The following UBE3D variants were observed in gnomAD, a reference collection of about 807,000 sequenced individuals.
The protein encoded by UBE3D is E3 ubiquitin-protein ligase E3D.
UBE3D carries 48 observed loss-of-function variants against 49.6 expected under a neutral mutation model. The ratio of observed to expected loss-of-function variants is 0.97; its 90% CI spans 0.77 to 1.23. The LOEUF (loss-of-function observed/expected upper bound fraction) is 1.23. Ranked by LOEUF, UBE3D falls within the 50% of genes most tolerant of loss-of-function variation. UBE3D has a pLI of 0.00. For missense variants in UBE3D, 452 were observed against 468.4 expected, an observed-to-expected ratio of 0.96 and a Z score of 0.32; for synonymous variants, 189 against 174.2, an observed-to-expected ratio of 1.08 and a Z score of -0.67.
intron 5 of UBE3D, among the ~76,000 whole-genome samples, chr6:83,025,877 C>A (rs1474289531): frequency 8.5e-6 from 1 of 117,566 alleles, no homozygotes; most frequent in Non-Finnish European, 1.7e-5. Context: ...AACGTGACTC[C>A]ATCTTAAAAA....
At chr6:82,991,775 C>G (rs182401772) in intron 8 of UBE3D, among the ~76,000 whole-genome samples, 140 of 152,282 alleles carry the variant, frequency 9.2e-4, no homozygotes, top group Admixed American at 7.8e-3. Context: ...AAAGAACCAT[C>G]TTCTGACCAT....
intron 9 of UBE3D, among the ~76,000 whole-genome samples, chr6:82,945,800 T>C (rs906271953): frequency 6.6e-6 from 1 of 152,148 alleles, no homozygotes; most frequent in African/African-American, 2.4e-5. Flanking sequence ...TGTTATCAGA[T>C]AAATTTAACA....
chr6:83,057,931 G>A lies in UBE3D; in HGVS notation c.169C>T (p.Leu57Phe). ...KTPEGCTEIQ[L>F]PAEVRLVPSS... ...GGTACAAGCCTGACCTCTGCTGGAA[G>A]CTGGATTTCTGTGCAGCCTTCAGGG... Residue 57 changes from leucine (L) to phenylalanine (F), a missense_variant, in exon 2 of 10, where the codon CTT becomes TTT. Coordinates refer to ENST00000369747, the MANE Select transcript of UBE3D (RefSeq NM_198920.3). 7 of 1,614,208 alleles carry A rather than the reference G, an allele frequency of 4.3e-6. No homozygotes were observed. Among genetic ancestry groups the A allele is most frequent in the Non-Finnish European group, 5.1e-6 (6 of 1,180,038 alleles).
At chr6:82,962,413 G>A (rs1237487262) in intron 8 of UBE3D, among the ~76,000 whole-genome samples, 1 of 152,124 alleles carries the variant, frequency 6.6e-6, no homozygotes, top group Non-Finnish European at 1.5e-5. Flanking sequence ...AAGCACTCTG[G>A]AGCCTAATTT....
intron 8 of UBE3D, among the ~76,000 whole-genome samples, chr6:82,993,634 T>G (rs1338557949): frequency 1.3e-5 from 2 of 152,094 alleles, no homozygotes. Context: ...TTTGTGGGGA[T>G]TTTCTCCCCC....
chr6:83,022,458 T>A lies in UBE3D; in HGVS notation c.841A>T (p.Ile281Phe), dbSNP rs747011892. The change falls in exon 7 of 10, where the codon ATC becomes TTC. Residue 281 changes from isoleucine to phenylalanine, a missense_variant. Physicochemically the swap from Ile to Phe is conservative, Grantham distance 21 (BLOSUM62 0). Transcript: ENST00000369747. ...TGGATAAAATAATTTCTTACCAAGA[T>A]ATACACTTTGTCATCCTGACCTTGA... ...TIQGQDDKVY[I>F]LLWLLNSDSL... 1 of 1,591,124 alleles carries A rather than the reference T, an allele frequency of 6.3e-7. No individual in the cohort carries two copies. The highest frequency in any genetic ancestry group is 8.5e-7 in the Non-Finnish European group (1 of 1,170,034).
chr6:82,990,279 C>A (rs1778794215), intron 8 of UBE3D, among the ~76,000 whole-genome samples: 1 of 152,034 alleles, frequency 6.6e-6, no homozygotes, highest in South Asian at 2.1e-4. Flanking sequence ...AATTGCCTTT[C>A]CTTTTTTTAT....
intron 9 of UBE3D, among the ~76,000 whole-genome samples, chr6:82,917,727 A>G (rs1773027710): frequency 6.6e-6 from 1 of 152,226 alleles, no homozygotes; most frequent in South Asian, 2.1e-4. Context: ...GAAGTGGGAA[A>G]CCAGACAAAG....
the UBE3D span, among the ~76,000 whole-genome samples, chr6:82,886,506 G>C: frequency 6.6e-6 from 1 of 152,260 alleles, no homozygotes; most frequent in East Asian, 1.9e-4. Context: ...TCCATAGCCC[G>C]GGGGTTGGAG....
intron 9 of UBE3D, among the ~76,000 whole-genome samples, chr6:82,943,555 G>A (rs1472537201): frequency 6.6e-6 from 1 of 152,118 alleles, no homozygotes; most frequent in African/African-American, 2.4e-5. Context: ...AGGACTGCTT[G>A]GGCCCAGAAG....
At chr6:82,887,482 G>A (rs1375011550), downstream of UBE3D, among the ~76,000 whole-genome samples, 1 of 148,710 alleles carries the variant, frequency 6.7e-6, no homozygotes, top group Non-Finnish European at 1.5e-5. Flanking sequence ...GCCGAGGCAG[G>A]CAGATCACTT....
At position 83,044,514 on chromosome 6, in the gene UBE3D, T is replaced by C; in HGVS notation, c.511A>G (p.Asn171Asp). ...TGCTGCCACAAACTGGTTCTTAAATTCACCAAGAAGAAAGAGTCTCCAATA... is the reference window on the plus strand; with the variant it reads ...TGCTGCCACAAACTGGTTCTTAAATCCACCAAGAAGAAAGAGTCTCCAATA... ...CFIGDSFFLVNLRTSLWQQRP... is the reference protein window; with the variant it reads ...CFIGDSFFLVDLRTSLWQQRP... The change falls in exon 4 of 10, where the codon AAT becomes GAT. Residue 171 changes from asparagine to aspartate, a missense_variant. Physicochemically the swap from Asn to Asp is conservative, Grantham distance 23. Coordinates refer to ENST00000369747, the MANE Select transcript of UBE3D (RefSeq NM_198920.3). The C allele has an allele frequency of 1.2e-6, 2 of 1,614,108 alleles. No individual in the cohort carries two copies. The highest frequency in any genetic ancestry group is 2.2e-5 in the South Asian group (2 of 91,076).
intron 8 of UBE3D, among the ~76,000 whole-genome samples, chr6:82,967,103 C>T (rs1225046743): frequency 6.6e-6 from 1 of 152,056 alleles, no homozygotes; most frequent in East Asian, 1.9e-4. Flanking sequence ...ATCTGCTCTC[C>T]CTTGTCCTTC....
At chr6:83,000,866 C>T (rs367674113) in intron 8 of UBE3D, among the ~76,000 whole-genome samples, 4 of 147,158 alleles carry the variant, frequency 2.7e-5, no homozygotes, top group Non-Finnish European at 6.0e-5. Flanking sequence ...TTTTTTGAGA[C>T]GGAGTCTCGC....
intron 9 of UBE3D, among the ~76,000 whole-genome samples, chr6:82,920,929 A>C (rs1229209462): frequency 6.8e-6 from 1 of 146,110 alleles, no homozygotes; most frequent in Non-Finnish European, 1.5e-5. Flanking sequence ...AGTATAGAAA[A>C]CTAAAAATGC....
At chr6:83,025,601 G>T (rs1458882953) in intron 5 of UBE3D, among the ~76,000 whole-genome samples, 1 of 152,008 alleles carries the variant, frequency 6.6e-6, no homozygotes, top group African/African-American at 2.4e-5. Context: ...GTATATGTAG[G>T]GCTGGGTGCA....
chr6:83,034,410 T>C (rs1239111840), intron 5 of UBE3D, among the ~76,000 whole-genome samples: 1 of 152,204 alleles, frequency 6.6e-6, no homozygotes, highest in Admixed American at 6.5e-5. Context: ...AATCACCTTT[T>C]AGCTAATTCT....
intron 8 of UBE3D, among the ~76,000 whole-genome samples, chr6:82,991,452 G>A (rs1403316850): frequency 6.6e-6 from 1 of 152,156 alleles, no homozygotes; most frequent in Non-Finnish European, 1.5e-5. Context: ...ACTATATTGA[G>A]TTAGGTAGGG....
intron 5 of UBE3D, among the ~76,000 whole-genome samples, chr6:83,027,021 A>G (rs1781508316): frequency 6.6e-6 from 1 of 152,122 alleles, no homozygotes; most frequent in Non-Finnish European, 1.5e-5. Context: ...CTATTGTTTT[A>G]TAGTTAATAT....
Sources: allele counts gnomAD v4.1 joint callset (sites outside exome capture counted in the v4.1 genomes callset), GRCh38; gene constraint gnomAD v4.1.1; transcripts MANE v1.5; gene names NCBI Gene and HGNC (gene_info 2026-07-23, HGNC 2026-07-21).